The following DTNBP1 variants were observed in gnomAD, a reference collection of about 807,000 sequenced individuals.
DTNBP1 encodes the protein dysbindin.
A neutral mutation model predicts 42.8 loss-of-function variants in DTNBP1; 35 were observed. The observed-to-expected ratio is 0.82, with a 90% CI of 0.63 to 1.09. The LOEUF (loss-of-function observed/expected upper bound fraction) is 1.09, where lower values mean the gene tolerates loss of function less well. DTNBP1 is among the 50% of genes least tolerant of loss of function. The pLI is 0.00. For synonymous variants in DTNBP1, 171 were observed against 162.2 expected, an observed-to-expected ratio of 1.05 and a Z score of -0.41; for missense variants, 457 against 424.2, an observed-to-expected ratio of 1.08 and a Z score of -0.68.
At position 15,524,552 on chromosome 6, in the gene DTNBP1, T is replaced by G. The variant is rs1371970151; in HGVS notation, c.785A>C (p.Glu262Ala). The G allele has an allele frequency of 6.2e-7, 1 of 1,610,030 alleles. No individual in the cohort carries two copies. The highest frequency in any genetic ancestry group is 1.3e-5 in the African/African-American group (1 of 74,836). ...LDVFLNSGGE[E>A]NTVLSPALGP... ...TAAGGCGGGGGACAGCACAGTGTTC[T>G]CTTCTCCTCCAGAGTTCAGGAAGAC... Residue 262 changes from glutamate (E) to alanine (A), a missense_variant, in exon 9 of 10, where the codon GAG becomes GCG. Glu to Ala is a moderately radical substitution (Grantham distance 107). Transcript: ENST00000344537.
At chr6:15,653,537 T>C (rs551703566) in intron 1 of DTNBP1, among the ~76,000 whole-genome samples, 103 of 152,366 alleles carry the variant, frequency 6.8e-4, no homozygotes, top group Admixed American at 1.4e-3. Context: ...GCTGCATATA[T>C]AGAATTAACA....
intron 1 of DTNBP1, among the ~76,000 whole-genome samples, chr6:15,655,478 C>T (rs954960509): frequency 6.6e-6 from 1 of 152,032 alleles, no homozygotes; most frequent in African/African-American, 2.4e-5. Flanking sequence ...CTTTTCTCAC[C>T]ACTTCTTCTC....
In DTNBP1 at chr6:15,553,593, G is replaced by GTTTTTTTTTTTT. The variant is rs1168459056; in HGVS notation, c.512-20199_512-20198insAAAAAAAAAAAA. ...GCAGTTCAATGCTCTTGACAAGTGA[G>GTTTTTTTTTTTT]CTTTTTTTTTTTTGGCCTCAGACAG... On this transcript the variant is annotated intron_variant, in intron 7 of 9. Coordinates refer to ENST00000344537, the MANE Select transcript of DTNBP1 (RefSeq NM_032122.5). Among the ~76,000 whole-genome samples the GTTTTTTTTTTTT allele has an allele frequency of 2.8e-4, 4 of 14,266 alleles. 1 individual carries two copies. Among genetic ancestry groups the GTTTTTTTTTTTT allele is most frequent in the Admixed American group, 7.3e-4 (1 of 1,374 alleles). 9.4% of individuals were successfully genotyped at this position (14,266 alleles called of 152,430 possible).
At position 15,524,687 on chromosome 6, in the gene DTNBP1, C is replaced by T. The variant is rs369707591; in HGVS notation, c.668-18G>A. 4.8e-5 allele frequency: 77 copies of T among 1,611,252 alleles called. No homozygotes were observed. The highest frequency in any genetic ancestry group is 1.5e-4 in the African/African-American group (11 of 75,040). On this transcript the variant is annotated intron_variant, in intron 8 of 9. Coordinates refer to ENST00000344537, the MANE Select transcript of DTNBP1 (RefSeq NM_032122.5). ...TATGGGCTCTGCGGATAGATCAACA[C>T]GAGAAAGGACACGCTGTCTTTAATA...
chr6:15,630,686 G>C (rs7776332), intron 4 of DTNBP1, among the ~76,000 whole-genome samples: 1 of 152,180 alleles, frequency 6.6e-6, no homozygotes, highest in East Asian at 1.9e-4. Flanking sequence ...GGGAGGCTGA[G>C]GCTGGCGGAT....
At chr6:15,615,065 C>T (rs1247910871) in intron 6 of DTNBP1, 3 of 769,246 alleles carry the variant, frequency 3.9e-6, no homozygotes, top group South Asian at 1.5e-5. Context: ...CATGTTTTAC[C>T]TTCTCCTGAG....
At chr6:15,534,243 G>A (rs1468054550) in intron 7 of DTNBP1, among the ~76,000 whole-genome samples, 1 of 152,154 alleles carries the variant, frequency 6.6e-6, no homozygotes, top group Admixed American at 6.5e-5. Context: ...ATCTGGAGAT[G>A]GATGGTAGTG....
At chr6:15,636,128 G>C (rs1353520821) in intron 4 of DTNBP1, among the ~76,000 whole-genome samples, 2 of 149,470 alleles carry the variant, frequency 1.3e-5, no homozygotes, top group African/African-American at 2.5e-5. Context: ...TGTTTTTGTT[G>C]GGTGTCAAAG....
At chr6:15,603,847 G>A (rs541430527) in intron 6 of DTNBP1, among the ~76,000 whole-genome samples, 5 of 152,286 alleles carry the variant, frequency 3.3e-5, no homozygotes, top group African/African-American at 1.2e-4. Context: ...GTGAGTGCCA[G>A]GCACTGTTAG....
rs140638547 is a variant in DTNBP1, at chr6:15,613,645, C to T, written c.488+1622G>A. Among the ~76,000 whole-genome samples, 176 of 152,124 alleles carry T rather than the reference C, an allele frequency of 1.2e-3. 3 individuals carry two copies. In the East Asian group the frequency reaches 0.017, roughly 15 times the overall value. On this transcript the variant is annotated intron_variant, in intron 6 of 9. Coordinates refer to ENST00000344537, the MANE Select transcript of DTNBP1 (RefSeq NM_032122.5). ...CCTCCCAAAATGCTAGGATTACAGGCGTGAGCCACTGCACCTGGCCAAGGA... is the reference window on the plus strand; with the variant it reads ...CCTCCCAAAATGCTAGGATTACAGGTGTGAGCCACTGCACCTGGCCAAGGA...
chr6:15,620,562 A>T (rs1758986543), intron 5 of DTNBP1, among the ~76,000 whole-genome samples: 1 of 152,222 alleles, frequency 6.6e-6, no homozygotes, highest in Non-Finnish European at 1.5e-5. Context: ...CCTAGTACTA[A>T]AGAAGCAATA....
intron 6 of DTNBP1, among the ~76,000 whole-genome samples, chr6:15,603,017 G>A (rs561539954): frequency 2.0e-5 from 3 of 152,292 alleles, no homozygotes; most frequent in Admixed American, 6.5e-5. Context: ...TCAACCCAAG[G>A]ATCTAATAAA....
chr6:15,660,154 T>C (rs1761520296), intron 1 of DTNBP1, among the ~76,000 whole-genome samples: 1 of 152,238 alleles, frequency 6.6e-6, no homozygotes, highest in Admixed American at 6.5e-5. Flanking sequence ...TTTTATTATC[T>C]ATGATATCAG....
At chr6:15,540,951 C>T (rs1380287180) in intron 7 of DTNBP1, among the ~76,000 whole-genome samples, 1 of 152,152 alleles carries the variant, frequency 6.6e-6, no homozygotes, top group Admixed American at 6.6e-5. Flanking sequence ...CTTAAAATGA[C>T]TTATAAAAAA....
chr6:15,642,675 G>T (rs2619553), intron 3 of DTNBP1, among the ~76,000 whole-genome samples: 138,366 of 152,192 alleles, frequency 0.91, 63,005 homozygotes, highest in African/African-American at 0.96. Context: ...ACAGTAAGCA[G>T]CATCTGAGAA....
At chr6:15,657,904 C>G (rs944346035) in intron 1 of DTNBP1, among the ~76,000 whole-genome samples, 5 of 152,178 alleles carry the variant, frequency 3.3e-5, no homozygotes, top group Non-Finnish European at 7.3e-5. Context: ...CGCAATTTCT[C>G]CTCATTATTC....
intron 6 of DTNBP1, among the ~76,000 whole-genome samples, chr6:15,609,165 CTTCT>C (rs1581388563): frequency 6.9e-6 from 1 of 145,542 alleles, no homozygotes; most frequent in East Asian, 2.2e-4. Context: ...CTTTTGCTAC[CTTCT>C]TTTTTTTTTT....
rs554829678 is a variant in DTNBP1 at position 15,523,040 on chromosome 6, C to T, written c.991G>A (p.Ala331Thr). The T allele has an allele frequency of 3.9e-5, 63 of 1,614,222 alleles. No homozygotes were observed. The South Asian group carries it at 6.6e-4, about 17-fold the overall frequency. ...CTGTCAGTGTGTGATGTGGCCAGGG[C>T]AGTGTCCACCTGAACTTCCTCCTCA... ...SDEEEVQVDT[A>T]LATSHTDREA... The change falls in exon 10 of 10, where the codon GCC becomes ACC. Residue 331 changes from alanine to threonine, a missense_variant. By Grantham distance (58) the Ala-to-Thr change is moderately conservative. Transcript: ENST00000344537.
intron 7 of DTNBP1, among the ~76,000 whole-genome samples, chr6:15,580,808 A>G (rs938855562): frequency 3.3e-5 from 5 of 152,238 alleles, no homozygotes; most frequent in Admixed American, 6.5e-5. Context: ...ATTGTAGTTA[A>G]ACATGAGCTG....
Sources: allele counts gnomAD v4.1 joint callset (sites outside exome capture counted in the v4.1 genomes callset), GRCh38; gene constraint gnomAD v4.1.1; transcripts MANE v1.5; gene names NCBI Gene and HGNC (gene_info 2026-07-23, HGNC 2026-07-21).